The following SORCS2 variants were observed in gnomAD, a reference collection of about 807,000 sequenced individuals.
SORCS2 encodes sortilin related VPS10 domain containing receptor 2.
Under a neutral mutation model 141.6 loss-of-function variants are expected in SORCS2, and 100 were observed. The observed-to-expected ratio is 0.71, with a 90% CI of 0.60 to 0.83. The LOEUF (loss-of-function observed/expected upper bound fraction) is 0.83. Among genes scored for constraint, SORCS2 ranks in the 40% least tolerant of loss-of-function variants. SORCS2 has a pLI of 0.00. For synonymous variants in SORCS2, 789 were observed against 676.9 expected, an observed-to-expected ratio of 1.17 and a Z score of -2.57; for missense variants, 1,646 against 1,560.2, an observed-to-expected ratio of 1.05 and a Z score of -0.93.
At chr4:7,548,486 G>A (rs1039473806) in intron 3 of SORCS2, among the ~76,000 whole-genome samples, 2 of 152,202 alleles carry the variant, frequency 1.3e-5, no homozygotes, top group Non-Finnish European at 2.9e-5. Context: ...TCTGTGGAGT[G>A]CTTCATGTCA....
intron 3 of SORCS2, among the ~76,000 whole-genome samples, chr4:7,570,815 C>T (rs1239348053): frequency 6.6e-6 from 1 of 152,076 alleles, no homozygotes; most frequent in Non-Finnish European, 1.5e-5. Flanking sequence ...GTCCAGGCCT[C>T]AACTATTGGC....
At chr4:7,289,250 G>C (rs1480911080) in intron 1 of SORCS2, among the ~76,000 whole-genome samples, 1 of 151,930 alleles carries the variant, frequency 6.6e-6, no homozygotes, top group Non-Finnish European at 1.5e-5. Flanking sequence ...TCTCTACCTG[G>C]AAGACCCTCC....
chr4:7,470,382 CATCT>C (rs941408633), intron 2 of SORCS2, among the ~76,000 whole-genome samples: 6 of 151,946 alleles, frequency 3.9e-5, no homozygotes, highest in African/African-American at 9.7e-5. Context: ...TCCATCCATC[CATCT>C]ATCCTTCCAT....
At chr4:7,525,206 C>G (rs986001815) in intron 2 of SORCS2, among the ~76,000 whole-genome samples, 3 of 152,106 alleles carry the variant, frequency 2.0e-5, no homozygotes, top group Non-Finnish European at 4.4e-5. Flanking sequence ...AAACACAGTC[C>G]GGGCAAGAGG....
chr4:7,511,525 C>A (rs1732653007), intron 2 of SORCS2, among the ~76,000 whole-genome samples: 2 of 151,552 alleles, frequency 1.3e-5, no homozygotes, highest in African/African-American at 4.9e-5. Flanking sequence ...AGAGACAGAG[C>A]AACAGAGAGA....
intron 2 of SORCS2, among the ~76,000 whole-genome samples, chr4:7,456,300 G>T (rs1343883676): frequency 6.6e-6 from 1 of 151,880 alleles, no homozygotes; most frequent in Non-Finnish European, 1.5e-5. Flanking sequence ...TGGTGTTTGT[G>T]ATGTGAATGA....
intron 6 of SORCS2, among the ~76,000 whole-genome samples, chr4:7,662,322 G>A (rs1407217378): frequency 6.6e-6 from 1 of 151,188 alleles, no homozygotes; most frequent in Non-Finnish European, 1.5e-5. Context: ...CTCAGGGGCA[G>A]TCCAGGTTTG....
chr4:7,516,433 T>C (rs1320983922), intron 2 of SORCS2, among the ~76,000 whole-genome samples: 1 of 152,154 alleles, frequency 6.6e-6, no homozygotes, highest in African/African-American at 2.4e-5. Context: ...CTGCAGGTTG[T>C]TCAGAGGCTG....
Position 7,193,257 on chromosome 4 carries a change from C to A in SORCS2, c.480+131C>A, listed in dbSNP as rs896973340. ...GGGCGGGTTCTTGGCGACTTGGGCA[C>A]TTGGGTCACCTCGGCCGCGCCCCTA... is the stretch of plus-strand genomic sequence containing the variant. On this transcript the variant is annotated intron_variant, in intron 1 of 26. Coordinates refer to ENST00000507866, the MANE Select transcript of SORCS2 (RefSeq NM_020777.3). This position sits in a 1 kb window ranked among gnomAD's most constrained non-coding sequence, Gnocchi z 4.8. 87 of 1,197,864 alleles carry A rather than the reference C, an allele frequency of 7.3e-5. No individual in the cohort carries two copies. The highest frequency in any genetic ancestry group is 1.6e-5 in the African/African-American group (1 of 62,822). The allele number at this position is 1,197,864 out of a possible 1,614,324, so 74.2% of individuals were successfully genotyped here.
intron 2 of SORCS2, among the ~76,000 whole-genome samples, chr4:7,402,952 C>A (rs1263548156): frequency 1.3e-5 from 2 of 151,956 alleles, no homozygotes; most frequent in African/African-American, 2.4e-5. Flanking sequence ...CTAAAAAGCC[C>A]ATGTCATTTC....
rs1003517868 is a variant in SORCS2 at position 7,392,592 on chromosome 4, G to A, written c.481-3696G>A. On this transcript the variant is annotated intron_variant, in intron 1 of 26. Coordinates refer to ENST00000507866, the MANE Select transcript of SORCS2 (RefSeq NM_020777.3). ...GGCAGCCTCAGGGGCGGGCAGGTTC[G>A]GGAATTCCAAAGAAGCTGAGGTCTC... Among the ~76,000 whole-genome samples, 14 of 152,152 alleles carry A rather than the reference G, an allele frequency of 9.2e-5. No homozygotes were observed. The South Asian group carries it at 1.7e-3, about 18-fold the overall frequency.
rs752804073 is a variant in SORCS2 at position 7,433,506 on chromosome 4, G to A, written c.548+37151G>A. 18 of 1,603,812 alleles carry A rather than the reference G, an allele frequency of 1.1e-5. 1 individual carries two copies. In the East Asian group the frequency reaches 1.3e-4, roughly 12 times the overall value. On this transcript the variant is annotated intron_variant, in intron 2 of 26. Transcript: ENST00000507866. ...CCACCTTCTTGCACACAGCCACGGG[G>A]TCCATCATGTCCTTGAGACTCTCAA...
chr4:7,556,338 G>T (rs1251411549), intron 3 of SORCS2, among the ~76,000 whole-genome samples: 1 of 152,140 alleles, frequency 6.6e-6, no homozygotes. Flanking sequence ...ATCTGAGTGG[G>T]GAGCTGACGT....
chr4:7,447,453 T>G (rs971076277), intron 2 of SORCS2, among the ~76,000 whole-genome samples: 1 of 152,176 alleles, frequency 6.6e-6, no homozygotes, highest in Admixed American at 6.5e-5. Context: ...CACTGAGGCT[T>G]AGGGAAGTTC....
intron 2 of SORCS2, among the ~76,000 whole-genome samples, chr4:7,507,470 G>A (rs1156680283): frequency 1.3e-5 from 2 of 152,154 alleles, no homozygotes; most frequent in Admixed American, 1.3e-4. Flanking sequence ...CACTGTGCCT[G>A]GCCGATAAAT....
rs557752439 is a variant in SORCS2 at position 7,264,898 on chromosome 4, C to T, written c.480+71772C>T. Among the ~76,000 whole-genome samples, 5 of 152,350 alleles carry T rather than the reference C, an allele frequency of 3.3e-5. No individual in the cohort carries two copies. The South Asian group carries it at 1.0e-3, about 32-fold the overall frequency. ...CCTGCCCTCACCCTGCCATGCCAGA[C>T]CCCAGCCTGAAGCTGCTCATTCCCC... On this transcript the variant is annotated intron_variant, in intron 1 of 26. Transcript: ENST00000507866.
chr4:7,556,306 G>T (rs1438521621), intron 3 of SORCS2, among the ~76,000 whole-genome samples: 2 of 152,116 alleles, frequency 1.3e-5, no homozygotes. Context: ...TGAGGATGTT[G>T]ATTTTAAAGG....
chr4:7,736,943 C>T lies in SORCS2; in HGVS notation c.3312-126C>T, dbSNP rs1577140436. On this transcript the variant is annotated intron_variant, in intron 25 of 26. Transcript: ENST00000507866. ...AGGCAAAACTTGGGGCTGGGGTAGGCACCTCTGGAGTGCTGTGGGCACCGT... is the reference window on the plus strand; with the variant it reads ...AGGCAAAACTTGGGGCTGGGGTAGGTACCTCTGGAGTGCTGTGGGCACCGT... 3.2e-6 allele frequency: 4 copies of T among 1,238,796 alleles called. No homozygotes were observed. The East Asian group carries it at 1.0e-4, about 32-fold the overall frequency. The allele number at this position is 1,238,796 out of a possible 1,614,324, so 76.7% of individuals were successfully genotyped here.
chr4:7,621,333 A>G (rs1212472606), intron 3 of SORCS2, among the ~76,000 whole-genome samples: 1 of 151,060 alleles, frequency 6.6e-6, no homozygotes, highest in Non-Finnish European at 1.5e-5. Context: ...TCTATGTGTG[A>G]GTGTTTATGT....
Sources: allele counts gnomAD v4.1 joint callset (sites outside exome capture counted in the v4.1 genomes callset), GRCh38; gene constraint gnomAD v4.1.1; non-coding constraint Gnocchi (gnomAD v3.1); transcripts MANE v1.5; gene names NCBI Gene and HGNC (gene_info 2026-07-23, HGNC 2026-07-21).